GRIK4: variants seen among roughly 807,000 people sequenced by gnomAD.
GRIK4 encodes glutamate ionotropic receptor kainate type subunit 4, also known as glutamate receptor ionotropic, kainate 4.
Under a neutral mutation model 104.9 loss-of-function variants are expected in GRIK4, and 40 were observed. The observed-to-expected ratio is 0.38, with a 90% CI of 0.30 to 0.50. The LOEUF is 0.50. GRIK4 is among the 20% of genes least tolerant of loss of function. GRIK4 has a pLI of 0.93. For missense variants in GRIK4, 1,047 were observed against 1,308.1 expected (o/e 0.80, Z 3.08); for synonymous variants, 485 against 524.9 (o/e 0.92, Z 1.04).
intron 1 of GRIK4, among the ~76,000 whole-genome samples, chr11:120,644,955 G>A (rs182063923): frequency 2.0e-5 from 3 of 152,220 alleles, no homozygotes; most frequent in Admixed American, 6.5e-5. Flanking sequence ...GAGAGCTTTG[G>A]GCCTTACGCT....
intron 10 of GRIK4, 138 bp from the exon 11 acceptor site, chr11:120,875,001 T>C (rs188790064): frequency 2.3e-5 from 15 of 647,904 alleles, no homozygotes; most frequent in Admixed American, 4.6e-5. Flanking sequence ...ATGCCTTGGC[T>C]GTGTGTGGGC....
In GRIK4 at chr11:120,517,783, G is replaced by A. The variant is rs182074718; in HGVS notation, c.-159+5896G>A. On this transcript the variant is annotated intron_variant, in intron 1 of 20. Transcript: ENST00000527524. ...CCCCAGGAGGGAGTGGGAAGGGGCC[G>A]GCCCCTAGCACAGAGGAGTCGTAGT... Among the ~76,000 whole-genome samples, 156 of 152,220 alleles carry A rather than the reference G, an allele frequency of 1.0e-3. 2 individuals carry two copies. The highest frequency in any genetic ancestry group is 3.6e-3 in the African/African-American group (149 of 41,544).
chr11:120,940,782 TA>T lies in GRIK4; in HGVS notation c.1590+324del, dbSNP rs1447132551. On this transcript the variant is annotated intron_variant, in intron 14 of 20. Transcript: ENST00000527524. This position sits in a 1 kb window ranked among gnomAD's most constrained non-coding sequence, Gnocchi z 4.3. The stretch of plus-strand genomic sequence containing the variant: ...TTTGCTCCCTTGCCTGCAGCCCAGA[TA>T]AGTCACCCTAGCATTTCTCAAGCAC... Among the ~76,000 whole-genome samples, 1 of 152,162 alleles carries T rather than the reference TA, an allele frequency of 6.6e-6. No individual in the cohort carries two copies. Among genetic ancestry groups the T allele is most frequent in the Non-Finnish European group, 1.5e-5 (1 of 68,002 alleles).
chr11:120,753,321 G>A (rs2846091), intron 3 of GRIK4, among the ~76,000 whole-genome samples: 20 of 112,370 alleles, frequency 1.8e-4, no homozygotes, highest in East Asian at 4.3e-4. Context: ...GTGTGTGTGT[G>A]TGTGTGTGTG....
chr11:120,515,918 C>T (rs935671563), intron 1 of GRIK4, among the ~76,000 whole-genome samples: 10 of 152,182 alleles, frequency 6.6e-5, no homozygotes, highest in African/African-American at 2.2e-4. Context: ...AGCTACCCGG[C>T]GAGTTAGCTG....
intron 3 of GRIK4, among the ~76,000 whole-genome samples, chr11:120,681,022 C>T (rs1782940471): frequency 6.6e-6 from 1 of 152,186 alleles, no homozygotes; most frequent in South Asian, 2.1e-4. Flanking sequence ...TGCCCGACTC[C>T]ACCCAAGGAA....
chr11:120,685,565 C>T (rs80170882), intron 3 of GRIK4, among the ~76,000 whole-genome samples: 6,327 of 152,246 alleles, frequency 0.042, 236 homozygotes, highest in East Asian at 0.11. Flanking sequence ...TGTTCTGTTG[C>T]TGTGCCCCAT....
intron 4 of GRIK4, among the ~76,000 whole-genome samples, chr11:120,812,186 A>T (rs572693549): frequency 1.3e-5 from 2 of 152,332 alleles, no homozygotes; most frequent in South Asian, 2.1e-4. Context: ...CTGGCCCTTG[A>T]CCTGTAAAGC....
chr11:120,880,591 A>G (rs1035129402), intron 11 of GRIK4, among the ~76,000 whole-genome samples: 1 of 152,184 alleles, frequency 6.6e-6, no homozygotes, highest in Non-Finnish European at 1.5e-5. Context: ...GGGACCTTCA[A>G]GCCTTTCATG....
At chr11:120,551,590 G>A (rs1948140571) in intron 1 of GRIK4, among the ~76,000 whole-genome samples, 1 of 152,144 alleles carries the variant, frequency 6.6e-6, no homozygotes, top group Admixed American at 6.5e-5. Context: ...AGACTAGCCT[G>A]GCCAATGTGG....
intron 3 of GRIK4, among the ~76,000 whole-genome samples, chr11:120,743,233 GAA>G (rs1160708566): frequency 1.9e-5 from 2 of 105,956 alleles, no homozygotes; most frequent in African/African-American, 7.1e-5. Context: ...CTGTCTCAGA[GAA>G]AAAAAAAAAA....
chr11:120,846,979 G>A (rs1161248882), intron 8 of GRIK4, among the ~76,000 whole-genome samples: 2 of 152,134 alleles, frequency 1.3e-5, no homozygotes, highest in Admixed American at 6.5e-5. Context: ...GAGCTGTCTT[G>A]ATCTCTCACC....
At chr11:120,668,567 C>T (rs1386850064) in intron 3 of GRIK4, among the ~76,000 whole-genome samples, 2 of 152,158 alleles carry the variant, frequency 1.3e-5, no homozygotes, top group Non-Finnish European at 2.9e-5. Flanking sequence ...TAGGGTAGTC[C>T]ACAAGGGGGT....
In GRIK4 at chr11:120,986,355, C is replaced by T. The variant is rs1425928381; in HGVS notation, c.*95C>T. 13 of 1,342,472 alleles carry T rather than the reference C, an allele frequency of 9.7e-6. No homozygotes were observed. The highest frequency in any genetic ancestry group is 1.1e-5 in the Non-Finnish European group (11 of 1,035,338). The allele number at this position is 1,342,472 out of a possible 1,614,324, so 83.2% of individuals were successfully genotyped here. On this transcript the variant is annotated 3_prime_UTR_variant, in exon 21 of 21. Coordinates refer to ENST00000527524, the MANE Select transcript of GRIK4 (RefSeq NM_014619.5). ...CAGCCGCCAGCCGGAACTTGTACAG[C>T]GTCGACACCTCTCCAGATTTCGGAT...
chr11:120,730,566 A>G (rs928325399), intron 3 of GRIK4, among the ~76,000 whole-genome samples: 3 of 138,136 alleles, frequency 2.2e-5, no homozygotes, highest in Non-Finnish European at 3.2e-5. Flanking sequence ...TTGTGGTTCC[A>G]TATACATTTT....
rs141272167 is a variant in GRIK4, at chr11:120,657,569, C to T, written c.-50-2700C>T. On this transcript the variant is annotated intron_variant, in intron 2 of 20. Transcript: ENST00000527524. ...CAGGAACCTGGACACAGTCCTTGCC[C>T]TTAAGGAGCACATACTGATCCCAGG... Among the ~76,000 whole-genome samples, 590 of 152,304 alleles carry T rather than the reference C, an allele frequency of 3.9e-3. 3 individuals are homozygous for T. The highest frequency in any genetic ancestry group is 0.013 in the African/African-American group (557 of 41,538).
chr11:120,897,800 CATTT>C (rs1218682118), intron 11 of GRIK4, among the ~76,000 whole-genome samples: 1 of 151,692 alleles, frequency 6.6e-6, no homozygotes, highest in Non-Finnish European at 1.5e-5. Flanking sequence ...TTATTATCCC[CATTT>C]TTTAGATGAG....
intron 3 of GRIK4, among the ~76,000 whole-genome samples, chr11:120,764,964 G>C (rs1337795203): frequency 6.6e-6 from 1 of 152,088 alleles, no homozygotes; most frequent in African/African-American, 2.4e-5. Flanking sequence ...GAGTATCTTT[G>C]TGGTGTTCTC....
At chr11:120,709,692 T>C (rs1204186312) in intron 3 of GRIK4, among the ~76,000 whole-genome samples, 1 of 152,192 alleles carries the variant, frequency 6.6e-6, no homozygotes, top group Admixed American at 6.5e-5. Flanking sequence ...TTGCATACAC[T>C]GTGTATGCTT....
Sources: gnomAD v4.1 joint callset for allele counts (sites outside exome capture counted in the v4.1 genomes callset) on GRCh38, gnomAD v4.1.1 for gene constraint, Gnocchi (gnomAD v3.1) non-coding constraint, MANE v1.5 for transcripts, NCBI Gene and HGNC (gene_info 2026-07-23, HGNC 2026-07-21) for gene names.